Variants in SOX6 observed in about 807,000 individuals in gnomAD.
The protein encoded by SOX6 is SRY-box transcription factor 6.
In SOX6, 11 loss-of-function variants were observed where a neutral mutation model predicts 97.8. The ratio of observed to expected loss-of-function variants is 0.11; its 90% CI spans 0.07 to 0.19. The LOEUF is 0.19. SOX6 is among the 10% of genes least tolerant of loss of function. The probability of loss-of-function intolerance (pLI) is 1.00; values close to 1 mark genes in which losing one functional copy is unlikely to be tolerated. For synonymous variants in SOX6, 360 were observed against 371.4 expected, an observed-to-expected ratio of 0.97 and a Z score of 0.35; for missense variants, 810 against 1,039.5, an observed-to-expected ratio of 0.78 and a Z score of 3.04.
rs1848347235 is a variant in SOX6 at position 16,607,416 on chromosome 11, A to G, written n.609+4665T>C. On this transcript the variant is annotated intron_variant and non_coding_transcript_variant, in intron 4 of 5. Coordinates refer to the SOX6 transcript ENST00000524520. The surrounding 1 kb of genome is among the most constrained non-coding windows in gnomAD (Gnocchi z 6.5). The stretch of plus-strand genomic sequence containing the variant: ...CTGCGCCGCAGGAGTAAATGGCATT[A>G]AAGAAAAAGGGAAAGATACAAATAA... The G allele has an allele frequency of 6.6e-6, 1 of 152,436 alleles. No individual in the cohort carries two copies. Among genetic ancestry groups the G allele is most frequent in the African/African-American group, 2.4e-5 (1 of 41,462 alleles). 9.4% of individuals were successfully genotyped at this position (152,436 alleles called of 1,614,324 possible).
intron 4 of SOX6, among the ~76,000 whole-genome samples, chr11:16,482,499 G>A (rs1460688060): frequency 6.6e-6 from 1 of 152,126 alleles, no homozygotes; most frequent in African/African-American, 2.4e-5. Context: ...GTGGGTAAAA[G>A]CTTTGCAAAC....
intron 4 of SOX6, among the ~76,000 whole-genome samples, chr11:16,611,530 G>A (rs537674258): frequency 1.3e-5 from 2 of 152,322 alleles, no homozygotes; most frequent in South Asian, 2.1e-4. Context: ...GTACGGAGAA[G>A]TTTTAGCAAT....
At chr11:16,021,177 A>G (rs1855049069) in intron 12 of SOX6, among the ~76,000 whole-genome samples, 1 of 152,184 alleles carries the variant, frequency 6.6e-6, no homozygotes, top group South Asian at 2.1e-4. Flanking sequence ...TGGCAAAAGA[A>G]GATACTACAT....
intron 13 of SOX6, among the ~76,000 whole-genome samples, chr11:16,005,445 T>A (rs948440775): frequency 6.6e-6 from 1 of 151,990 alleles, no homozygotes; most frequent in Non-Finnish European, 1.5e-5. Context: ...TAGGCTTTTT[T>A]ATAAAAGACT....
chr11:16,058,841 G>A (rs1847879510), intron 9 of SOX6, among the ~76,000 whole-genome samples: 1 of 152,038 alleles, frequency 6.6e-6, no homozygotes, highest in Admixed American at 6.6e-5. Context: ...TGACTTCTGT[G>A]AGGTTATGTG....
chr11:16,071,527 C>T (rs1411839647), intron 9 of SOX6, among the ~76,000 whole-genome samples: 1 of 150,980 alleles, frequency 6.6e-6, no homozygotes, highest in African/African-American at 2.4e-5. Flanking sequence ...GGGGACACAG[C>T]CTCCTGTTGC....
At chr11:16,469,559 A>G (rs1350550377) in intron 1 of SOX6, among the ~76,000 whole-genome samples, 4 of 152,136 alleles carry the variant, frequency 2.6e-5, no homozygotes, top group Non-Finnish European at 5.9e-5. Context: ...TATACTGGAA[A>G]AACCAGAATT....
At chr11:16,441,853 C>G (rs1859508947) in intron 1 of SOX6, among the ~76,000 whole-genome samples, 1 of 152,152 alleles carries the variant, frequency 6.6e-6, no homozygotes, top group Non-Finnish European at 1.5e-5. Flanking sequence ...GGTATTTTAT[C>G]ATCCTTAATA....
At chr11:16,467,765 C>A (rs752371743) in intron 1 of SOX6, among the ~76,000 whole-genome samples, 1 of 152,066 alleles carries the variant, frequency 6.6e-6, no homozygotes, top group South Asian at 2.1e-4. Context: ...ATAAACCCTG[C>A]ACATGTACCC....
intron 3 of SOX6, among the ~76,000 whole-genome samples, chr11:16,665,595 G>C (rs1847801364): frequency 6.6e-6 from 1 of 152,140 alleles, no homozygotes; most frequent in African/African-American, 2.4e-5. Context: ...CTCTAGACCT[G>C]CCCAGGACTG....
intron 3 of SOX6, chr11:16,317,454 G>A (rs1855784958): frequency 6.6e-6 from 1 of 151,836 alleles, no homozygotes; most frequent in Non-Finnish European, 1.5e-5. Flanking sequence ...ATTGTTTGAA[G>A]GGTACTGAAG....
At chr11:16,210,942 T>C (rs1336735566) in intron 4 of SOX6, among the ~76,000 whole-genome samples, 3 of 152,120 alleles carry the variant, frequency 2.0e-5, no homozygotes, top group African/African-American at 7.2e-5. Flanking sequence ...ATAGTCAAGG[T>C]AGTTCTCCCA....
At chr11:16,029,596 A>T (rs1301410949) in intron 12 of SOX6, among the ~76,000 whole-genome samples, 6 of 151,944 alleles carry the variant, frequency 3.9e-5, no homozygotes, top group Admixed American at 1.3e-4. Context: ...AGATCGAACC[A>T]CTGAACTCTA....
rs1174218627 is a variant in SOX6, at chr11:16,456,895, A to G, written c.-5+19420T>C. Among the ~76,000 whole-genome samples, 3 of 152,236 alleles carry G rather than the reference A, an allele frequency of 2.0e-5. No homozygotes were observed. The East Asian group carries it at 5.8e-4, about 29-fold the overall frequency. On this transcript the variant is annotated intron_variant, in intron 1 of 15. Transcript: ENST00000396356. Reference sequence around the variant, plus strand: ...CCAAATTAGTTTTGTGGGTAAGTGCACATTAAAAGTAGTCTTTTATAAACT... The same window carrying G: ...CCAAATTAGTTTTGTGGGTAAGTGCGCATTAAAAGTAGTCTTTTATAAACT...
intron 9 of SOX6, among the ~76,000 whole-genome samples, chr11:16,087,054 C>G (rs1216791651): frequency 6.6e-6 from 1 of 152,162 alleles, no homozygotes; most frequent in Non-Finnish European, 1.5e-5. Context: ...CTTAAACCAT[C>G]TATTACAGTC....
At chr11:16,697,623 A>C (rs1848063731) in intron 3 of SOX6, among the ~76,000 whole-genome samples, 1 of 152,210 alleles carries the variant, frequency 6.6e-6, no homozygotes, top group African/African-American at 2.4e-5. Context: ...AAAAGAAGAA[A>C]GATTTTCTAC....
intron 2 of SOX6, among the ~76,000 whole-genome samples, chr11:16,321,069 C>T (rs562981156): frequency 1.3e-5 from 2 of 152,094 alleles, no homozygotes; most frequent in South Asian, 2.1e-4. Flanking sequence ...GTATGTGGCT[C>T]CTTGGAATGT....
intron 4 of SOX6, among the ~76,000 whole-genome samples, chr11:16,227,583 C>T (rs1565032806): frequency 6.6e-6 from 1 of 151,924 alleles, no homozygotes. Context: ...CTCACCAGGC[C>T]CAACTCATTC....
At chr11:16,666,847 C>T (rs1469593151) in intron 3 of SOX6, among the ~76,000 whole-genome samples, 1 of 151,744 alleles carries the variant, frequency 6.6e-6, no homozygotes, top group Non-Finnish European at 1.5e-5. Context: ...AAAAAATAAG[C>T]ATGCCTATGA....
Sources: allele counts gnomAD v4.1 joint callset (sites outside exome capture counted in the v4.1 genomes callset), GRCh38; gene constraint gnomAD v4.1.1; non-coding constraint Gnocchi (gnomAD v3.1); transcripts MANE v1.5; gene names NCBI Gene and HGNC (gene_info 2026-07-23, HGNC 2026-07-21).